NRXN3: variants seen among roughly 807,000 people sequenced by gnomAD.
The protein encoded by NRXN3 is neurexin III.
NRXN3 carries 32 observed loss-of-function variants against 137.6 expected under a neutral mutation model. The observed-to-expected ratio is 0.23, with a 90% CI of 0.18 to 0.31. The LOEUF (loss-of-function observed/expected upper bound fraction) is 0.31. Among genes scored for constraint, NRXN3 ranks in the 10% least tolerant of loss-of-function variants. The pLI, the probability that NRXN3 is intolerant of heterozygous loss-of-function variation, is 1.00. For missense variants in NRXN3, 1,574 were observed against 2,062.5 expected (o/e 0.76, Z 4.59); for synonymous variants, 798 against 784.5 (o/e 1.02, Z -0.29).
chr14:78,856,681 A>G (rs1384462553), intron 10 of NRXN3, among the ~76,000 whole-genome samples: 1 of 152,094 alleles, frequency 6.6e-6, no homozygotes, highest in Non-Finnish European at 1.5e-5. Context: ...TGAGTGTCTT[A>G]TGGATAGGTA....
intron 1 of NRXN3, among the ~76,000 whole-genome samples, chr14:78,209,572 A>G (rs2062545846): frequency 6.6e-6 from 1 of 152,178 alleles, no homozygotes. Flanking sequence ...ACATGGCATC[A>G]GGTAAGAGAG....
chr14:79,366,373 A>G (rs2093893284), intron 15 of NRXN3, among the ~76,000 whole-genome samples: 1 of 152,146 alleles, frequency 6.6e-6, no homozygotes, highest in Non-Finnish European at 1.5e-5. Flanking sequence ...TGTTGACTAT[A>G]GTCACCCTGT....
chr14:78,264,700 G>A (rs961093358), intron 2 of NRXN3, among the ~76,000 whole-genome samples: 5 of 152,148 alleles, frequency 3.3e-5, no homozygotes, highest in African/African-American at 1.2e-4. Context: ...CTCTCTGAAT[G>A]TATTTGTCTG....
chr14:79,506,456 A>G (rs1386037611), intron 16 of NRXN3, among the ~76,000 whole-genome samples: 1 of 152,186 alleles, frequency 6.6e-6, no homozygotes, highest in Non-Finnish European at 1.5e-5. Context: ...ACAGTTATCA[A>G]CCTTAACCCA....
chr14:78,410,018 A>G (rs905114657), intron 4 of NRXN3, among the ~76,000 whole-genome samples: 1 of 152,198 alleles, frequency 6.6e-6, no homozygotes, highest in Non-Finnish European at 1.5e-5. Context: ...AAATTGATGC[A>G]GCAGCTCCAA....
intron 10 of NRXN3, among the ~76,000 whole-genome samples, chr14:78,828,861 A>G (rs935734588): frequency 1.3e-5 from 2 of 152,246 alleles, no homozygotes; most frequent in African/African-American, 4.8e-5. Flanking sequence ...GTAATGCCAA[A>G]TGCAATAAAT....
At chr14:78,824,237 A>G (rs969734262) in intron 10 of NRXN3, among the ~76,000 whole-genome samples, 1 of 151,610 alleles carries the variant, frequency 6.6e-6, no homozygotes, top group Non-Finnish European at 1.5e-5. Context: ...CCTGCCCATC[A>G]TGGCTGGAAA....
chr14:78,734,755 C>A (rs372896093), intron 8 of NRXN3, among the ~76,000 whole-genome samples: 1 of 152,078 alleles, frequency 6.6e-6, no homozygotes. Flanking sequence ...TGTTACAAAG[C>A]CCAATAGGTA....
Position 78,956,789 on chromosome 14 carries a change from C to T in NRXN3, c.2276-453C>T, listed in dbSNP as rs908790758. Among the ~76,000 whole-genome samples the T allele has an allele frequency of 2.0e-5, 3 of 152,164 alleles. No homozygotes were observed. The South Asian group carries it at 6.2e-4, about 32-fold the overall frequency. On this transcript the variant is annotated intron_variant, in intron 10 of 20. Transcript: ENST00000335750. The stretch of plus-strand genomic sequence containing the variant: ...CATATGTGTTGCAAAGTTCTTTTCT[C>T]GTCCTATTGGTGGATACTCTCTAAA...
intron 16 of NRXN3, among the ~76,000 whole-genome samples, chr14:79,589,108 A>G (rs1486159652): frequency 6.6e-6 from 1 of 152,148 alleles, no homozygotes. Context: ...TATAAAAATT[A>G]GCCAGGCATG....
intron 15 of NRXN3, among the ~76,000 whole-genome samples, chr14:79,026,337 A>G (rs924527307): frequency 2.0e-5 from 3 of 152,138 alleles, no homozygotes; most frequent in Non-Finnish European, 4.4e-5. Flanking sequence ...TTTCTGAGAC[A>G]GATTTCCTCA....
intron 4 of NRXN3, among the ~76,000 whole-genome samples, chr14:78,380,331 T>C (rs1255074307): frequency 2.0e-5 from 2 of 98,750 alleles, no homozygotes; most frequent in East Asian, 2.9e-4. Context: ...AAAAAAAAGA[T>C]GTGTTTACAT....
At chr14:79,385,203 T>G in intron 15 of NRXN3, among the ~76,000 whole-genome samples, 1 of 81,218 alleles carries the variant, frequency 1.2e-5, no homozygotes, top group Admixed American at 1.5e-4. Flanking sequence ...AATGCTATCC[T>G]TCCCCCCGCC....
chr14:78,635,868 C>T (rs920495802), intron 4 of NRXN3, among the ~76,000 whole-genome samples: 10 of 152,176 alleles, frequency 6.6e-5, no homozygotes, highest in African/African-American at 1.9e-4. Context: ...TACTTATATA[C>T]TCTGTGTAAC....
intron 16 of NRXN3, among the ~76,000 whole-genome samples, chr14:79,657,094 G>C (rs1214298783): frequency 1.3e-5 from 2 of 151,420 alleles, no homozygotes; most frequent in African/African-American, 4.8e-5. Flanking sequence ...ATTGTTTGTA[G>C]ATACCTTCAG....
intron 19 of NRXN3, chr14:79,791,127 T>G (rs964311308): frequency 1.3e-5 from 2 of 152,154 alleles, no homozygotes; most frequent in Admixed American, 6.5e-5. Flanking sequence ...CAAGCTGTGG[T>G]GGGCATTGTA....
chr14:79,257,274 G>A (rs910117696), intron 15 of NRXN3, among the ~76,000 whole-genome samples: 3 of 146,484 alleles, frequency 2.0e-5, no homozygotes, highest in African/African-American at 7.6e-5. Context: ...GTATCAGATA[G>A]TTCCTCCAGA....
chr14:79,557,736 ACT>A (rs2097445281), intron 16 of NRXN3, among the ~76,000 whole-genome samples: 1 of 152,146 alleles, frequency 6.6e-6, no homozygotes, highest in Admixed American at 6.5e-5. Flanking sequence ...GTTGATAGCT[ACT>A]GACAGGGTGG....
intron 16 of NRXN3, among the ~76,000 whole-genome samples, chr14:79,499,951 AG>A (rs1393979321): frequency 9.4e-6 from 1 of 106,126 alleles, no homozygotes; most frequent in Non-Finnish European, 1.8e-5. Flanking sequence ...CAGTTATCTT[AG>A]GGTCGTGTGT....
Sources: gnomAD v4.1 joint callset for allele counts (sites outside exome capture counted in the v4.1 genomes callset) on GRCh38, gnomAD v4.1.1 for gene constraint, MANE v1.5 for transcripts, NCBI Gene and HGNC (gene_info 2026-07-23, HGNC 2026-07-21) for gene names.